The following CAMK1D variants were observed in gnomAD, a reference collection of about 807,000 sequenced individuals.
The protein encoded by CAMK1D is calcium/calmodulin-dependent protein kinase type 1D.
CAMK1D carries 9 observed loss-of-function variants against 47.7 expected under a neutral mutation model. The observed-to-expected ratio is 0.19, with a 90% confidence interval of 0.11 to 0.33. The LOEUF (loss-of-function observed/expected upper bound fraction) is 0.33. Among genes scored for constraint, CAMK1D ranks in the 10% least tolerant of loss-of-function variants. The pLI is 1.00. For missense variants in CAMK1D, 291 were observed against 488.7 expected (o/e 0.60, Z 3.81); for synonymous variants, 184 against 184.9 (o/e 0.99, Z 0.04).
chr10:12,586,302 T>C (rs1049589963), intron 2 of CAMK1D, among the ~76,000 whole-genome samples: 1 of 152,030 alleles, frequency 6.6e-6, no homozygotes, highest in African/African-American at 2.4e-5. Context: ...CCACTGAAGC[T>C]GAAGACATCT....
chr10:12,614,535 A>G lies in CAMK1D; in HGVS notation c.225-52201A>G, dbSNP rs78833787. ...GTATTCACTTTATAGGGTTGAATAC[A>G]CAGAAATATGTGCTCCATACTTGAA... On this transcript the variant is annotated intron_variant, in intron 2 of 10. Coordinates refer to ENST00000619168, the MANE Select transcript of CAMK1D (RefSeq NM_153498.4). Among the ~76,000 whole-genome samples the G allele has an allele frequency of 7.1e-3, 1,082 of 152,378 alleles. 10 individuals are homozygous for G. Among genetic ancestry groups the G allele is most frequent in the East Asian group, 0.053 (273 of 5,190 alleles).
At chr10:12,784,703 CCT>C (rs1269101896) in intron 5 of CAMK1D, among the ~76,000 whole-genome samples, 1 of 152,204 alleles carries the variant, frequency 6.6e-6, no homozygotes, top group Non-Finnish European at 1.5e-5. Context: ...TCATTTGTTC[CCT>C]GCCTCTGCCC....
At chr10:12,702,448 C>T (rs1206992429) in intron 3 of CAMK1D, among the ~76,000 whole-genome samples, 2 of 152,338 alleles carry the variant, frequency 1.3e-5, no homozygotes, top group African/African-American at 2.4e-5. Flanking sequence ...TGAAGACGGG[C>T]TCCATCTGTG....
In CAMK1D at chr10:12,503,613, C is replaced by A. The variant is rs77503970; in HGVS notation, c.93-49612C>A. On this transcript the variant is annotated intron_variant, in intron 1 of 10. Transcript: ENST00000619168. ...AAAATTCAGGTTGGGCCAGACCTAG[C>A]CAGCTGACTCCACCCTTTATGAATG... Among the ~76,000 whole-genome samples the A allele has an allele frequency of 9.6e-3, 1,462 of 152,248 alleles. 36 individuals carry two copies. Among genetic ancestry groups the A allele is most frequent in the East Asian group, 0.047 (242 of 5,172 alleles).
intron 1 of CAMK1D, among the ~76,000 whole-genome samples, chr10:12,403,530 C>T (rs1463651529): frequency 6.6e-6 from 1 of 152,140 alleles, no homozygotes; most frequent in East Asian, 1.9e-4. Flanking sequence ...TTTACATGAA[C>T]AGCTATTCTA....
chr10:12,380,286 G>A (rs1838302694), intron 1 of CAMK1D, among the ~76,000 whole-genome samples: 1 of 152,102 alleles, frequency 6.6e-6, no homozygotes, highest in South Asian at 2.1e-4. Context: ...TCTGAATCTA[G>A]CAGAGCAATT....
chr10:12,726,072 T>A (rs1339472918), intron 3 of CAMK1D, among the ~76,000 whole-genome samples: 2 of 152,012 alleles, frequency 1.3e-5, no homozygotes, highest in African/African-American at 4.8e-5. Context: ...TTCTAGTATA[T>A]AGACTATTTC....
In CAMK1D at chr10:12,432,856, C is replaced by G. The variant is rs148212223; in HGVS notation, c.92+82946C>G. 2.8e-3 allele frequency among the ~76,000 whole-genome samples: 428 copies of G among 152,324 alleles called. 8 individuals are homozygous for G. Among genetic ancestry groups the G allele is most frequent in the Admixed American group, 0.025 (379 of 15,306 alleles). Reference sequence around the variant, plus strand: ...ACACTCTCGAAGGCCAGATTCCACCCACCTGCTCCCAAGATGGTGCCGTCT... The same window carrying G: ...ACACTCTCGAAGGCCAGATTCCACCGACCTGCTCCCAAGATGGTGCCGTCT... On this transcript the variant is annotated intron_variant, in intron 1 of 10. Coordinates refer to ENST00000619168, the MANE Select transcript of CAMK1D (RefSeq NM_153498.4).
At chr10:12,405,613 A>G (rs1197531467) in intron 1 of CAMK1D, among the ~76,000 whole-genome samples, 1 of 152,270 alleles carries the variant, frequency 6.6e-6, no homozygotes, top group Non-Finnish European at 1.5e-5. Context: ...AAGTGAAACC[A>G]GTGAAACGTC....
At chr10:12,698,715 C>G (rs1295088963) in intron 3 of CAMK1D, among the ~76,000 whole-genome samples, 1 of 130,542 alleles carries the variant, frequency 7.7e-6, no homozygotes, top group Non-Finnish European at 1.5e-5. Context: ...GCTCTGTCAC[C>G]AGGCTGGAGT....
chr10:12,648,822 A>C (rs554664379), intron 2 of CAMK1D, among the ~76,000 whole-genome samples: 1 of 151,886 alleles, frequency 6.6e-6, no homozygotes, highest in East Asian at 1.9e-4. Flanking sequence ...TACGTGTAGA[A>C]ATCAGGGGCT....
chr10:12,585,693 G>T (rs1416948885), intron 2 of CAMK1D, among the ~76,000 whole-genome samples: 1 of 152,048 alleles, frequency 6.6e-6, no homozygotes, highest in African/African-American at 2.4e-5. Context: ...AGAACAGTAT[G>T]GGGGAAACCA....
chr10:12,583,346 T>A (rs1837718231), intron 2 of CAMK1D, among the ~76,000 whole-genome samples: 1 of 152,160 alleles, frequency 6.6e-6, no homozygotes, highest in Non-Finnish European at 1.5e-5. Context: ...GGCAAACATA[T>A]GGTTTGATAC....
chr10:12,522,012 T>A (rs1835431392), intron 1 of CAMK1D, among the ~76,000 whole-genome samples: 1 of 151,772 alleles, frequency 6.6e-6, no homozygotes, highest in African/African-American at 2.4e-5. Context: ...CTTTTGGAAA[T>A]CCAGTCTAAT....
At chr10:12,679,817 C>T (rs1220548538) in intron 3 of CAMK1D, among the ~76,000 whole-genome samples, 4 of 152,202 alleles carry the variant, frequency 2.6e-5, no homozygotes, top group African/African-American at 9.6e-5. Context: ...ACAGTCCCGC[C>T]CAGCACCCGG....
intron 2 of CAMK1D, among the ~76,000 whole-genome samples, chr10:12,598,167 G>A (rs1271750766): frequency 6.6e-6 from 1 of 152,126 alleles, no homozygotes; most frequent in Non-Finnish European, 1.5e-5. Context: ...TGTTGCCACG[G>A]GAAAGCAATA....
At chr10:12,781,436 C>G (rs1837487082) in intron 5 of CAMK1D, among the ~76,000 whole-genome samples, 1 of 152,202 alleles carries the variant, frequency 6.6e-6, no homozygotes, top group African/African-American at 2.4e-5. Flanking sequence ...GGCCCTCCCA[C>G]ATTTCAAAAG....
Position 12,524,495 on chromosome 10 carries a change from C to T in CAMK1D, c.93-28730C>T, listed in dbSNP as rs562899845. 6.6e-5 allele frequency among the ~76,000 whole-genome samples: 10 copies of T among 152,014 alleles called. No individual in the cohort carries two copies. In the South Asian group the frequency reaches 1.2e-3, roughly 19 times the overall value. On this transcript the variant is annotated intron_variant, in intron 1 of 10. Coordinates refer to ENST00000619168, the MANE Select transcript of CAMK1D (RefSeq NM_153498.4). Reference sequence around the variant, plus strand: ...GGCTGAGGCGGGCGGATCACGAGGTCAGGAGACCGAGACCATCCTGGCTAA... The same window carrying T: ...GGCTGAGGCGGGCGGATCACGAGGTTAGGAGACCGAGACCATCCTGGCTAA...
chr10:12,695,022 C>CTATA (rs1554811943), intron 3 of CAMK1D, among the ~76,000 whole-genome samples: 1 of 144,042 alleles, frequency 6.9e-6, no homozygotes, highest in African/African-American at 2.6e-5. Flanking sequence ...ATAAATCTCT[C>CTATA]GATAGATAGA....
Sources: allele counts gnomAD v4.1 joint callset (sites outside exome capture counted in the v4.1 genomes callset), GRCh38; gene constraint gnomAD v4.1.1; transcripts MANE v1.5; gene names NCBI Gene and HGNC (gene_info 2026-07-23, HGNC 2026-07-21).